Variants in HS2ST1 observed in about 807,000 individuals in gnomAD.
HS2ST1 encodes the protein 2-O-sulfotransferase.
In HS2ST1, 18 loss-of-function variants were observed where a neutral mutation model predicts 42.9. The observed-to-expected ratio is 0.42, with a 90% confidence interval of 0.29 to 0.62. The LOEUF (loss-of-function observed/expected upper bound fraction) is 0.62. Ranked by LOEUF, HS2ST1 falls within the 20% of genes least tolerant of loss-of-function variation. The pLI is 0.21. For synonymous variants in HS2ST1, 146 were observed against 152.9 expected, an observed-to-expected ratio of 0.95 and a Z score of 0.33; for missense variants, 334 against 433.8, an observed-to-expected ratio of 0.77 and a Z score of 2.04.
At chr1:86,917,190 C>T (rs193060601) in intron 1 of HS2ST1, among the ~76,000 whole-genome samples, 1 of 152,212 alleles carries the variant, frequency 6.6e-6, no homozygotes, top group East Asian at 1.9e-4. Flanking sequence ...CACTTTTCAT[C>T]GTAGATACTC....
chr1:86,925,926 T>C (rs1660407497), intron 1 of HS2ST1, among the ~76,000 whole-genome samples: 1 of 152,226 alleles, frequency 6.6e-6, no homozygotes, highest in Non-Finnish European at 1.5e-5. Context: ...CTGGTAATTT[T>C]TAACTGGATG....
chr1:87,092,923 C>A (rs548580850), intron 4 of HS2ST1, among the ~76,000 whole-genome samples: 2 of 152,010 alleles, frequency 1.3e-5, no homozygotes, highest in East Asian at 3.9e-4. Flanking sequence ...GTTCTATTAA[C>A]AATTTTCTGT....
intron 1 of HS2ST1, among the ~76,000 whole-genome samples, chr1:87,041,722 T>C (rs1038116733): frequency 6.6e-6 from 1 of 152,192 alleles, no homozygotes; most frequent in Non-Finnish European, 1.5e-5. Context: ...TCACTTGGCA[T>C]AATGTTCTCA....
chr1:86,964,499 G>A (rs1292294559), intron 1 of HS2ST1, among the ~76,000 whole-genome samples: 2 of 152,238 alleles, frequency 1.3e-5, no homozygotes, highest in South Asian at 2.1e-4. Flanking sequence ...CCAGTCAGGC[G>A]TGGCGGCACG....
At chr1:86,972,116 G>A (rs1478887493) in intron 1 of HS2ST1, among the ~76,000 whole-genome samples, 1 of 152,150 alleles carries the variant, frequency 6.6e-6, no homozygotes, top group Non-Finnish European at 1.5e-5. Flanking sequence ...TATTGCAGTT[G>A]CAAGGTTATG....
chr1:86,940,606 G>A (rs2064888), intron 1 of HS2ST1, among the ~76,000 whole-genome samples: 36,242 of 152,086 alleles, frequency 0.24, 5,078 homozygotes, highest in African/African-American at 0.38. Flanking sequence ...CCTGAAGAGA[G>A]GCTGATGGCT....
intron 1 of HS2ST1, among the ~76,000 whole-genome samples, chr1:87,053,482 T>G (rs1203444322): frequency 6.6e-6 from 1 of 152,206 alleles, no homozygotes; most frequent in African/African-American, 2.4e-5. Flanking sequence ...CATTAAAAAT[T>G]TTTTAATGTC....
intron 1 of HS2ST1, among the ~76,000 whole-genome samples, chr1:86,966,145 G>T (rs372293946): frequency 6.6e-6 from 1 of 152,214 alleles, no homozygotes; most frequent in African/African-American, 2.4e-5. Flanking sequence ...TGTCCTTTGT[G>T]ACTTTAGCTC....
intron 1 of HS2ST1, among the ~76,000 whole-genome samples, chr1:87,057,274 G>GTT (rs1650992978): frequency 6.6e-6 from 1 of 152,078 alleles, no homozygotes; most frequent in Non-Finnish European, 1.5e-5. Flanking sequence ...AAGCTCTTTG[G>GTT]TGTCCTTAAC....
At position 87,018,157 on chromosome 1, in the gene HS2ST1, C is replaced by G. The variant is rs200246030; in HGVS notation, c.125-54777C>G. 2.1e-4 allele frequency among the ~76,000 whole-genome samples: 18 copies of G among 84,558 alleles called. No homozygotes were observed. In the East Asian group the frequency reaches 2.4e-3, roughly 11 times the overall value. 55.5% of individuals were successfully genotyped at this position (84,558 alleles called of 152,430 possible). On this transcript the variant is annotated intron_variant, in intron 1 of 6. Coordinates refer to ENST00000370550, the MANE Select transcript of HS2ST1 (RefSeq NM_012262.4). ...CCACACACACACACACACACACACA[C>G]ACACACAGACACACACACACACAAA...
In HS2ST1 at chr1:86,914,903, T is replaced by A; in HGVS notation, c.-134T>A. ...CTGGAGAGGCGAGAAGGGGGGTCGC[T>A]GCGGTGGTTCTCTCGCTGTCGCTCT... is the stretch of plus-strand genomic sequence containing the variant. On this transcript the variant is annotated 5_prime_UTR_variant, in exon 1 of 7. Coordinates refer to ENST00000370550, the MANE Select transcript of HS2ST1 (RefSeq NM_012262.4). The A allele has an allele frequency of 9.2e-7, 1 of 1,087,744 alleles. No individual in the cohort carries two copies. Among genetic ancestry groups the A allele is most frequent in the Non-Finnish European group, 1.3e-6 (1 of 750,024 alleles). The allele number at this position is 1,087,744 out of a possible 1,614,324, so 67.4% of individuals were successfully genotyped here.
chr1:87,096,766 GT>G (rs1652078479), intron 4 of HS2ST1, among the ~76,000 whole-genome samples: 2 of 152,158 alleles, frequency 1.3e-5, no homozygotes, highest in Admixed American at 6.5e-5. Context: ...CTGAGAACCC[GT>G]GGGATATCAA....
chr1:87,043,762 T>A (rs1353755943), intron 1 of HS2ST1, among the ~76,000 whole-genome samples: 1 of 152,164 alleles, frequency 6.6e-6, no homozygotes, highest in East Asian at 1.9e-4. Flanking sequence ...CCTTTCCATA[T>A]ATCAGCTTTA....
chr1:87,066,729 C>T (rs1651260176), intron 1 of HS2ST1, among the ~76,000 whole-genome samples: 1 of 152,110 alleles, frequency 6.6e-6, no homozygotes, highest in South Asian at 2.1e-4. Flanking sequence ...CCCCTAGCCC[C>T]CATCCCCCAA....
intron 1 of HS2ST1, among the ~76,000 whole-genome samples, chr1:86,979,243 G>A (rs762725246): frequency 2.0e-5 from 3 of 152,036 alleles, no homozygotes; most frequent in Non-Finnish European, 2.9e-5. Flanking sequence ...ATTTTTAAGC[G>A]TATATAGTTC....
At chr1:86,934,271 A>G (rs934913640) in intron 1 of HS2ST1, 8 of 152,162 alleles carry the variant, frequency 5.3e-5, no homozygotes, top group Non-Finnish European at 1.2e-4. Flanking sequence ...GAGAACAGAG[A>G]TCGCTGGGCA....
intron 1 of HS2ST1, among the ~76,000 whole-genome samples, chr1:86,996,442 CA>C (rs67401349): frequency 0.023 from 2,586 of 112,762 alleles, 60 homozygotes; most frequent in African/African-American, 0.065. Flanking sequence ...AACTCTGTCT[CA>C]AAAAAAAAAA....
chr1:87,045,781 A>C (rs902052832), intron 1 of HS2ST1: 36 of 903,908 alleles, frequency 4.0e-5, no homozygotes, highest in Non-Finnish European at 5.9e-5. Flanking sequence ...TTTGTAGCAG[A>C]GGTAACAAAA....
At chr1:87,008,486 A>C (rs1429084483) in intron 1 of HS2ST1, among the ~76,000 whole-genome samples, 1 of 152,232 alleles carries the variant, frequency 6.6e-6, no homozygotes, top group East Asian at 1.9e-4. Flanking sequence ...CAACAATGAC[A>C]TGAATGTTTT....
Sources: allele counts gnomAD v4.1 joint callset (sites outside exome capture counted in the v4.1 genomes callset), GRCh38; gene constraint gnomAD v4.1.1; transcripts MANE v1.5; gene names NCBI Gene and HGNC (gene_info 2026-07-23, HGNC 2026-07-21).